The following NCKAP1 variants were observed in gnomAD, a reference collection of about 807,000 sequenced individuals.
NCKAP1 encodes the protein NCK associated protein 1, also known as nck-associated protein 1.
Under a neutral mutation model 151.2 loss-of-function variants are expected in NCKAP1, and 21 were observed. That is an observed-to-expected ratio of 0.14 (90% CI 0.10 to 0.20). The LOEUF is 0.20. Ranked by LOEUF, NCKAP1 falls within the 10% of genes least tolerant of loss-of-function variation. The pLI, the probability that NCKAP1 is intolerant of heterozygous loss-of-function variation, is 1.00. For synonymous variants in NCKAP1, 484 were observed against 451.8 expected (o/e 1.07, Z -0.90); for missense variants, 933 against 1,352.1 (o/e 0.69, Z 4.86).
intron 2 of NCKAP1, among the ~76,000 whole-genome samples, chr2:183,019,989 G>A (rs541183570): frequency 9.2e-5 from 14 of 152,032 alleles, no homozygotes; most frequent in African/African-American, 3.4e-4. Context: ...TTCCTTTGTT[G>A]CATATCAAAT....
In NCKAP1 at chr2:182,910,378, G is replaced by A. The variant is rs926112342; in HGVS notation, c.*15324C>T. The A allele has an allele frequency of 6.6e-6, 1 of 152,234 alleles. No individual in the cohort carries two copies. Among genetic ancestry groups the A allele is most frequent in the African/African-American group, 2.4e-5 (1 of 41,454 alleles). The allele number at this position is 152,234 out of a possible 1,614,324, so 9.4% of individuals were successfully genotyped here. A position where few individuals can be genotyped will look rare whatever the true frequency, so the allele number is the denominator to read the frequency against. ...GGAAATATTTTTCAGAAGCTTGGAG[G>A]TCTGAGTACACATGTGGGGAAAACA... On this transcript the variant is annotated 3_prime_UTR_variant, in exon 31 of 31. Coordinates refer to ENST00000361354, the MANE Select transcript of NCKAP1 (RefSeq NM_013436.5).
At chr2:182,937,190 C>A (rs1696895652) in intron 24 of NCKAP1, among the ~76,000 whole-genome samples, 1 of 148,696 alleles carries the variant, frequency 6.7e-6, no homozygotes, top group Admixed American at 6.7e-5. Flanking sequence ...GTGATATAGC[C>A]ATATATTTTC....
At chr2:182,972,489 A>G (rs1697720429) in intron 15 of NCKAP1, among the ~76,000 whole-genome samples, 1 of 152,204 alleles carries the variant, frequency 6.6e-6, no homozygotes, top group Non-Finnish European at 1.5e-5. Context: ...GAATTAGTAG[A>G]GCCGCTATTG....
At position 182,954,297 on chromosome 2, in the gene NCKAP1, G is replaced by C. The variant is rs544298916; in HGVS notation, c.2154-966C>G. Among the ~76,000 whole-genome samples, 4 of 152,086 alleles carry C rather than the reference G, an allele frequency of 2.6e-5. No individual in the cohort carries two copies. In the South Asian group the frequency reaches 8.3e-4, roughly 32 times the overall value. On this transcript the variant is annotated intron_variant, in intron 20 of 30. Coordinates refer to ENST00000361354, the MANE Select transcript of NCKAP1 (RefSeq NM_013436.5). Reference sequence around the variant, plus strand: ...GTTTATATCTCAAGAAACTGTATACGACTAAAAAGGAAACACAAATTTTGA... The same window carrying C: ...GTTTATATCTCAAGAAACTGTATACCACTAAAAAGGAAACACAAATTTTGA...
At chr2:183,017,095 C>T (rs1332104308) in intron 2 of NCKAP1, among the ~76,000 whole-genome samples, 1 of 152,016 alleles carries the variant, frequency 6.6e-6, no homozygotes, top group Non-Finnish European at 1.5e-5. Context: ...AAAAAGTTTT[C>T]TGTTTAGCTT....
chr2:182,965,126 CACACCT>C (rs2105836659), intron 16 of NCKAP1, among the ~76,000 whole-genome samples: 1 of 152,034 alleles, frequency 6.6e-6, no homozygotes, highest in African/African-American at 2.4e-5. Context: ...TGTGGTGGCT[CACACCT>C]ATAATCTCAG....
At chr2:183,008,985 G>A (rs1340444881) in intron 2 of NCKAP1, among the ~76,000 whole-genome samples, 1 of 152,112 alleles carries the variant, frequency 6.6e-6, no homozygotes, top group Non-Finnish European at 1.5e-5. Flanking sequence ...ATCTTTTGTA[G>A]TGTATTTCTT....
intron 2 of NCKAP1, chr2:183,022,818 T>C (rs187372305): frequency 6.6e-6 from 1 of 152,328 alleles, no homozygotes; most frequent in African/African-American, 2.4e-5. Context: ...TGAACATACA[T>C]GATTTGAGAA....
At position 182,921,687 on chromosome 2, in the gene NCKAP1, T is replaced by G. The variant is rs1030281447; in HGVS notation, c.*4015A>C. On this transcript the variant is annotated 3_prime_UTR_variant, in exon 31 of 31. Coordinates refer to ENST00000361354, the MANE Select transcript of NCKAP1 (RefSeq NM_013436.5). The stretch of plus-strand genomic sequence containing the variant: ...AGATTGCTAATTTATCCCATTTTAC[T>G]TAGGCCCAAAATGACAGGCTGAATA... 2.0e-5 allele frequency: 3 copies of G among 152,206 alleles called. No homozygotes were observed. The highest frequency in any genetic ancestry group is 2.9e-5 in the Non-Finnish European group (2 of 68,044). 9.4% of individuals were successfully genotyped at this position (152,206 alleles called of 1,614,324 possible). A position where few individuals can be genotyped will look rare whatever the true frequency, so the allele number is the denominator to read the frequency against.
Position 182,925,613 on chromosome 2 carries a change from T to G in NCKAP1, c.*89A>C, listed in dbSNP as rs1339810692. On this transcript the variant is annotated 3_prime_UTR_variant, in exon 31 of 31. Coordinates refer to ENST00000361354, the MANE Select transcript of NCKAP1 (RefSeq NM_013436.5). ...AAGAAATTTATAATCCACAAAACTTTTTCAGGTCTTAAGGTAAAATAGTTC... is the reference window on the plus strand; with the variant it reads ...AAGAAATTTATAATCCACAAAACTTGTTCAGGTCTTAAGGTAAAATAGTTC... 1 of 621,610 alleles carries G rather than the reference T, an allele frequency of 1.6e-6. No individual in the cohort carries two copies. The highest frequency in any genetic ancestry group is 2.7e-6 in the Non-Finnish European group (1 of 376,482). 38.5% of individuals were successfully genotyped at this position (621,610 alleles called of 1,614,324 possible).
intron 30 of NCKAP1, 120 bp downstream of exon 30, chr2:182,926,696 G>A: frequency 1.7e-6 from 1 of 597,208 alleles, no homozygotes; most frequent in Non-Finnish European, 2.9e-6. Flanking sequence ...GAAAGGTGTG[G>A]CTTACGTGAA....
chr2:183,002,985 A>C lies in NCKAP1; in HGVS notation c.358T>G (p.Phe120Val), dbSNP rs770643887. 3.1e-6 allele frequency: 5 copies of C among 1,607,846 alleles called. No individual in the cohort carries two copies. The Admixed American group carries it at 5.0e-5, about 16-fold the overall frequency. The change falls in exon 4 of 31, where the codon TTC (phenylalanine) becomes GTC (valine). Residue 120 changes from phenylalanine to valine, a missense_variant. Coordinates refer to ENST00000361354, the MANE Select transcript of NCKAP1 (RefSeq NM_013436.5). ...AAAATGATACTTACAATATCAAAGA[A>C]GACTTGGCAAACGTCAATAGTATTC... Reference protein sequence around the residue: ...LLNTIDVCQVFFDITVNFDLT... With the variant: ...LLNTIDVCQVVFDITVNFDLT...
chr2:182,927,112 A>T (rs930355433), intron 29 of NCKAP1: 5 of 428,744 alleles, frequency 1.2e-5, no homozygotes, highest in Middle Eastern at 6.1e-4. Flanking sequence ...CTAACATAAT[A>T]AATGTAATCA....
rs1014326394 is a variant in NCKAP1 at position 183,002,113 on chromosome 2, T to C, written c.512+14A>G. 3.1e-6 allele frequency: 5 copies of C among 1,612,510 alleles called. No homozygotes were observed. The highest frequency in any genetic ancestry group is 4.2e-6 in the Non-Finnish European group (5 of 1,179,168). On this transcript the variant is annotated intron_variant, in intron 5 of 30. Transcript: ENST00000361354. ...ACTGAGCATTTTAGAAAGACTTTTA[T>C]AATGCAAATCTACCTTGCTCCATGA...
chr2:182,917,720 A>G lies in NCKAP1; in HGVS notation c.*7982T>C, dbSNP rs1696490387. 6.6e-6 allele frequency: 1 copy of G among 152,194 alleles called. No individual in the cohort carries two copies. Among genetic ancestry groups the G allele is most frequent in the South Asian group, 2.1e-4 (1 of 4,826 alleles). The allele number at this position is 152,194 out of a possible 1,614,324, so 9.4% of individuals were successfully genotyped here. A position where few individuals can be genotyped will look rare whatever the true frequency, so the allele number is the denominator to read the frequency against. ...TTACCTTCAGAAAATAGTAAAAACC[A>G]TTTTTGTTAACATAGAGAGTAAGTA... On this transcript the variant is annotated 3_prime_UTR_variant, in exon 31 of 31. Transcript: ENST00000361354.
intron 9 of NCKAP1, among the ~76,000 whole-genome samples, chr2:182,988,146 G>T (rs555431542): frequency 6.6e-6 from 1 of 152,206 alleles, no homozygotes; most frequent in South Asian, 2.1e-4. Flanking sequence ...TGATGCTCAG[G>T]AACCTGGATT....
At chr2:182,995,448 T>TA (rs1184827991) in intron 7 of NCKAP1, among the ~76,000 whole-genome samples, 44 of 152,172 alleles carry the variant, frequency 2.9e-4, no homozygotes. Context: ...TCTACCATGA[T>TA]AAAGCAAAAC....
chr2:183,025,332 G>T (rs1698875249), intron 1 of NCKAP1, among the ~76,000 whole-genome samples: 1 of 152,050 alleles, frequency 6.6e-6, no homozygotes, highest in African/African-American at 2.4e-5. Context: ...AACCATCAGT[G>T]AAATTTTACA....
Position 183,038,412 on chromosome 2 carries a change from A to C in NCKAP1, c.-313T>G. The C allele has an allele frequency of 4.7e-6, 1 of 215,026 alleles. No homozygotes were observed. The highest frequency in any genetic ancestry group is 2.3e-5 in the African/African-American group (1 of 42,840). 13.3% of individuals were successfully genotyped at this position (215,026 alleles called of 1,614,324 possible). A position where few individuals can be genotyped will look rare whatever the true frequency, so the allele number is the denominator to read the frequency against. ...AGCCGCCTTCCCCGGCTGCTCCACT[A>C]GGTGTGGCGGCGGCGGCGGCGGCGG... On this transcript the variant is annotated 5_prime_UTR_variant, in exon 1 of 31. Coordinates refer to ENST00000361354, the MANE Select transcript of NCKAP1 (RefSeq NM_013436.5).
Sources: allele counts gnomAD v4.1 joint callset (sites outside exome capture counted in the v4.1 genomes callset), GRCh38; gene constraint gnomAD v4.1.1; transcripts MANE v1.5; gene names NCBI Gene and HGNC (gene_info 2026-07-23, HGNC 2026-07-21).